The following JAZF1 variants were observed in gnomAD, a reference collection of about 807,000 sequenced individuals.
The protein encoded by JAZF1 is juxtaposed with another zinc finger protein 1.
Under a neutral mutation model 26.4 loss-of-function variants are expected in JAZF1, and 8 were observed. That is an observed-to-expected ratio of 0.30 (90% CI 0.18 to 0.55). The LOEUF (loss-of-function observed/expected upper bound fraction) is 0.55, where lower values mean the gene tolerates loss of function less well. Ranked by LOEUF, JAZF1 falls within the 20% of genes least tolerant of loss-of-function variation. The pLI is 0.94. For synonymous variants in JAZF1, 126 were observed against 122.3 expected, an observed-to-expected ratio of 1.03 and a Z score of -0.20; for missense variants, 199 against 322.0, an observed-to-expected ratio of 0.62 and a Z score of 2.92.
In JAZF1 at chr7:27,840,425, G is replaced by A. The variant is rs999743818; in HGVS notation, c.555+273C>T. 6.6e-6 allele frequency among the ~76,000 whole-genome samples: 1 copy of A among 152,248 alleles called. No individual in the cohort carries two copies. Among genetic ancestry groups the A allele is most frequent in the Non-Finnish European group, 1.5e-5 (1 of 68,042 alleles). ...TGACATGAATTTGAAGACTATCAAA[G>A]ACATGATCCTCCTACAAAAGCTCTC... On this transcript the variant is annotated intron_variant, in intron 4 of 4. Transcript: ENST00000283928. The surrounding 1 kb of genome is among the most constrained non-coding windows in gnomAD (Gnocchi z 5.1).
chr7:28,013,731 G>A (rs1455211675), intron 1 of JAZF1, among the ~76,000 whole-genome samples: 1 of 152,124 alleles, frequency 6.6e-6, no homozygotes, highest in East Asian at 1.9e-4. Flanking sequence ...GGGTCCACAG[G>A]TCTTTAATCC....
At chr7:28,073,212 C>T (rs184732129) in intron 1 of JAZF1, among the ~76,000 whole-genome samples, 11 of 152,304 alleles carry the variant, frequency 7.2e-5, no homozygotes, top group Admixed American at 2.0e-4. Context: ...AGATAGGTTA[C>T]AGGGTACTTG....
intron 3 of JAZF1, among the ~76,000 whole-genome samples, chr7:27,879,318 G>A (rs1583444487): frequency 1.3e-5 from 2 of 152,084 alleles, no homozygotes; most frequent in East Asian, 3.9e-4. Context: ...CAAGGGCATG[G>A]TTCATGGCGC....
chr7:27,977,017 T>G (rs984668649), intron 2 of JAZF1, among the ~76,000 whole-genome samples: 1 of 152,186 alleles, frequency 6.6e-6, no homozygotes, highest in African/African-American at 2.4e-5. Flanking sequence ...AACCTCTTAT[T>G]CCATACATTT....
intron 3 of JAZF1, among the ~76,000 whole-genome samples, chr7:27,844,792 C>A (rs1015241903): frequency 6.6e-6 from 1 of 152,214 alleles, no homozygotes; most frequent in Non-Finnish European, 1.5e-5. Context: ...GGGGCTCCAA[C>A]GGGGCACATC....
intron 1 of JAZF1, among the ~76,000 whole-genome samples, chr7:28,098,252 A>G (rs1203549339): frequency 6.6e-6 from 1 of 152,120 alleles, no homozygotes; most frequent in East Asian, 1.9e-4. Context: ...GAAGACAGCT[A>G]TCCACAAACC....
At chr7:28,090,866 C>T (rs1378204832) in intron 1 of JAZF1, among the ~76,000 whole-genome samples, 2 of 140,328 alleles carry the variant, frequency 1.4e-5, no homozygotes, top group African/African-American at 5.3e-5. Context: ...GTCACCCAGG[C>T]CGGACTGCGG....
At chr7:28,020,266 G>A (rs1176705181) in intron 1 of JAZF1, among the ~76,000 whole-genome samples, 1 of 152,126 alleles carries the variant, frequency 6.6e-6, no homozygotes, top group Non-Finnish European at 1.5e-5. Flanking sequence ...CAAAATGGGG[G>A]AATTCCTAAG....
chr7:27,895,174 T>G lies in JAZF1; in HGVS notation c.385+46A>C, dbSNP rs982230049. ...CCAGCACATCACACACACTTTCTCT[T>G]TCTCCCCTCTCCTCCTTCTCAAGGC... On this transcript the variant is annotated intron_variant, in intron 3 of 4. Coordinates refer to ENST00000283928, the MANE Select transcript of JAZF1 (RefSeq NM_175061.4). The G allele has an allele frequency of 2.3e-6, 3 of 1,324,876 alleles. No individual in the cohort carries two copies. In the African/African-American group the frequency reaches 4.4e-5, roughly 20 times the overall value. 82.1% of individuals were successfully genotyped at this position (1,324,876 alleles called of 1,614,324 possible).
chr7:27,853,065 C>T (rs1783180912), intron 3 of JAZF1, among the ~76,000 whole-genome samples: 1 of 152,202 alleles, frequency 6.6e-6, no homozygotes, highest in Non-Finnish European at 1.5e-5. Flanking sequence ...TGCGGTGACG[C>T]CTTCCCAGTC....
At chr7:28,120,176 G>GT (rs68126733) in intron 1 of JAZF1, among the ~76,000 whole-genome samples, 9 of 147,990 alleles carry the variant, frequency 6.1e-5, no homozygotes, top group Admixed American at 1.3e-4. Context: ...TTGTTTGGTG[G>GT]TTTTTTTTTT....
chr7:28,166,584 A>G (rs1198943721), intron 1 of JAZF1, among the ~76,000 whole-genome samples: 1 of 152,212 alleles, frequency 6.6e-6, no homozygotes, highest in Non-Finnish European at 1.5e-5. Context: ...TGCAACATGT[A>G]ATAATTATGT....
chr7:28,038,224 T>TA (rs1783327418), intron 1 of JAZF1, among the ~76,000 whole-genome samples: 2 of 152,148 alleles, frequency 1.3e-5, no homozygotes, highest in South Asian at 4.1e-4. Flanking sequence ...CATATTATAT[T>TA]AGAGTAATTC....
intron 1 of JAZF1, among the ~76,000 whole-genome samples, chr7:28,018,038 G>C (rs566618142): frequency 6.6e-6 from 1 of 152,220 alleles, no homozygotes; most frequent in South Asian, 2.1e-4. Flanking sequence ...TCCCAAAGTG[G>C]ATAAGCAATT....
chr7:28,037,597 G>C (rs1783315602), intron 1 of JAZF1, among the ~76,000 whole-genome samples: 1 of 152,158 alleles, frequency 6.6e-6, no homozygotes, highest in East Asian at 1.9e-4. Context: ...TTTTCCTCGT[G>C]TGAAAGAAAG....
chr7:28,086,732 C>T (rs1014656443), intron 1 of JAZF1, among the ~76,000 whole-genome samples: 1 of 152,146 alleles, frequency 6.6e-6, no homozygotes. Context: ...ATAATAGGAG[C>T]GATGATTTTC....
intron 1 of JAZF1, among the ~76,000 whole-genome samples, chr7:28,110,502 GGAAAA>G (rs1562590904): frequency 7.6e-4 from 56 of 73,566 alleles, no homozygotes; most frequent in East Asian, 5.5e-3. Context: ...GGAAAGGAAA[GGAAAA>G]GGAAAGGAAA....
intron 1 of JAZF1, among the ~76,000 whole-genome samples, chr7:28,076,744 T>C (rs913257429): frequency 1.3e-5 from 2 of 149,230 alleles, no homozygotes; most frequent in Non-Finnish European, 3.0e-5. Context: ...CGTGTGGAAA[T>C]GAGTAAGTTA....
chr7:27,975,777 A>G (rs1207971964), intron 2 of JAZF1, among the ~76,000 whole-genome samples: 1 of 152,234 alleles, frequency 6.6e-6, no homozygotes, highest in East Asian at 1.9e-4. Context: ...GATCAGTCAT[A>G]AATACTGATG....
Sources: allele counts gnomAD v4.1 joint callset (sites outside exome capture counted in the v4.1 genomes callset), GRCh38; gene constraint gnomAD v4.1.1; non-coding constraint Gnocchi (gnomAD v3.1); transcripts MANE v1.5; gene names NCBI Gene and HGNC (gene_info 2026-07-23, HGNC 2026-07-21).